Variants in WDR6 observed in about 807,000 individuals in gnomAD.
WDR6 encodes tRNA (34-2'-O)-methyltransferase regulator WDR6.
In WDR6, 58 loss-of-function variants were observed where a neutral mutation model predicts 85.6. The ratio of observed to expected loss-of-function variants is 0.68; its 90% CI spans 0.55 to 0.84. The LOEUF is 0.84. Ranked by LOEUF, WDR6 falls within the 40% of genes least tolerant of loss-of-function variation. The probability of loss-of-function intolerance (pLI) is 0.00; values close to 1 mark genes in which losing one functional copy is unlikely to be tolerated. For missense variants in WDR6, 1,310 were observed against 1,476.4 expected (o/e 0.89, Z 1.85); for synonymous variants, 569 against 582.2 (o/e 0.98, Z 0.33).
Position 49,014,656 on chromosome 3 carries a change from C to T in WDR6, c.2840C>T (p.Thr947Ile). 1 of 1,613,662 alleles carries T rather than the reference C, an allele frequency of 6.2e-7. No homozygotes were observed. Among genetic ancestry groups the T allele is most frequent in the Non-Finnish European group, 8.5e-7 (1 of 1,180,006 alleles). Residue 947 changes from threonine (T) to isoleucine (I), a missense_variant, in exon 5 of 6, where the codon ACC becomes ATC. Thr to Ile is a moderately conservative substitution (Grantham distance 89). Coordinates refer to ENST00000608424, the MANE Select transcript of WDR6 (RefSeq NM_018031.6). This position sits in a 1 kb window ranked among gnomAD's most constrained non-coding sequence, Gnocchi z 4.9. Reference protein sequence around the residue: ...TDGSLAFWDLTTMLDHDSTVL... With the variant: ...TDGSLAFWDLITMLDHDSTVL... Reference sequence around the variant, plus strand: ...GGCAGCCTGGCTTTCTGGGATCTCACCACCATGCTAGACCATGACTCCACT... The same window carrying T: ...GGCAGCCTGGCTTTCTGGGATCTCATCACCATGCTAGACCATGACTCCACT...
chr3:49,012,145 G>A lies in WDR6; in HGVS notation c.611G>A (p.Arg204Gln), dbSNP rs776011592. 33 of 1,614,038 alleles carry A rather than the reference G, an allele frequency of 2.0e-5. No individual in the cohort carries two copies. The highest frequency in any genetic ancestry group is 2.5e-5 in the Non-Finnish European group (30 of 1,180,052). ...AACAAACCTGTAGCACCTGACCGAC[G>A]AATCAGTGGGCATGTGGGCATCATC... ...ADNKPVAPDRRISGHVGIIFS... is the reference protein window; with the variant it reads ...ADNKPVAPDRQISGHVGIIFS... Residue 204 changes from arginine to glutamine, a missense_variant, in exon 2 of 6, where the codon CGA becomes CAA. Transcript: ENST00000608424. The surrounding 1 kb of genome is among the most constrained non-coding windows in gnomAD (Gnocchi z 4.4).
rs2093045989 is a variant in WDR6 at position 49,015,128 on chromosome 3, C to T, written c.3206C>T (p.Thr1069Ile). 2 of 1,613,894 alleles carry T rather than the reference C, an allele frequency of 1.2e-6. No homozygotes were observed. Among genetic ancestry groups the T allele is most frequent in the African/African-American group, 1.3e-5 (1 of 74,926 alleles). Reference protein sequence around the residue: ...MVSASIDQRLTFWRLGHGEPT... With the variant: ...MVSASIDQRLIFWRLGHGEPT... ...TCAGCCTCCATTGATCAACGGCTGA[C>T]CTTCTGGCGTCTGGGGCATGGTGAA... Residue 1069 changes from threonine (T) to isoleucine (I), a missense_variant, in exon 6 of 6, where the codon ACC (threonine) becomes ATC (isoleucine). Physicochemically the swap from Thr to Ile is moderately conservative, Grantham distance 89. Transcript: ENST00000608424.
Position 49,013,573 on chromosome 3 carries a change from TGCTGTACAGG to T in WDR6, c.2043_2052del (p.Tyr682TrpfsTer9). Reference sequence around the variant, plus strand: ...GCTTACCTCAAGGATGGGGATGTCATGCTGTACAGGGCTCTGGGTGGCTGCACCCGGCCAC... The same window carrying T: ...GCTTACCTCAAGGATGGGGATGTCATGCTCTGGGTGGCTGCACCCGGCCAC... On this transcript the variant is annotated frameshift_variant, in exon 2 of 6. Transcript: ENST00000608424. LOFTEE classifies it high-confidence loss of function. The surrounding 1 kb of genome is among the most constrained non-coding windows in gnomAD (Gnocchi z 4.6). 6.2e-7 allele frequency: 1 copy of T among 1,614,060 alleles called. No individual in the cohort carries two copies. The highest frequency in any genetic ancestry group is 8.5e-7 in the Non-Finnish European group (1 of 1,180,006).
At position 49,014,045 on chromosome 3, in the gene WDR6, C is replaced by G. The variant is rs1451165798; in HGVS notation, c.2511C>G (p.Ser837=). 6.2e-7 allele frequency: 1 copy of G among 1,612,802 alleles called. No homozygotes were observed. The highest frequency in any genetic ancestry group is 1.7e-5 in the Admixed American group (1 of 60,022). The change falls in exon 2 of 6, where the codon TCC becomes TCG. Residue 837 remains serine, a synonymous_variant. Coordinates refer to ENST00000608424, the MANE Select transcript of WDR6 (RefSeq NM_018031.6). The surrounding 1 kb of genome is among the most constrained non-coding windows in gnomAD (Gnocchi z 4.9). ...RLACHVMHLS[S]HRLDEYWDRQ... is the part of the protein sequence containing the mutation. ...CCTGCCATGTCATGCACCTTTCGTC[C>G]CACCGGCTAGATGAGTATTGGGACC...
At chr3:49,011,580 G>C (rs758667545) in intron 1 of WDR6, 55 bp from the exon 2 acceptor site, 1 of 1,611,862 alleles carries the variant, frequency 6.2e-7, no homozygotes, top group East Asian at 2.2e-5. Flanking sequence ...TCTCTTCCCT[G>C]TGGGTCATCA....
At chr3:49,009,732 CTTTT>C (rs1174476985) in intron 1 of WDR6, among the ~76,000 whole-genome samples, 1 of 144,808 alleles carries the variant, frequency 6.9e-6, no homozygotes. Flanking sequence ...TTTTATTTTA[CTTTT>C]TTTTTTTTTG....
In WDR6 at chr3:49,014,476, A is replaced by C; in HGVS notation, c.2760A>C (p.Thr920=). The C allele has an allele frequency of 6.2e-7, 1 of 1,614,108 alleles. No individual in the cohort carries two copies. The highest frequency in any genetic ancestry group is 1.1e-5 in the South Asian group (1 of 91,080). ...GTGTCCTCAAGGTCCACTCCTTTACACACGAGGCACCCAACCAGAGGCGGT... is the reference window on the plus strand; with the variant it reads ...GTGTCCTCAAGGTCCACTCCTTTACCCACGAGGCACCCAACCAGAGGCGGT... ...KRCVLKVHSF[T]HEAPNQRRRL... Residue 920 remains threonine, a synonymous_variant, in exon 4 of 6, where the codon ACA becomes ACC. Transcript: ENST00000608424. This position sits in a 1 kb window ranked among gnomAD's most constrained non-coding sequence, Gnocchi z 4.9.
rs2093019216 is a variant in WDR6, at chr3:49,012,108, G to A, written c.574G>A (p.Ala192Thr). 6.2e-7 allele frequency: 1 copy of A among 1,613,928 alleles called. No individual in the cohort carries two copies. Among genetic ancestry groups the A allele is most frequent in the Admixed American group, 1.7e-5 (1 of 60,010 alleles). The change falls in exon 2 of 6, where the codon GCC (alanine) becomes ACC (threonine). Residue 192 changes from alanine (A) to threonine (T), a missense_variant. Ala to Thr is a moderately conservative substitution (Grantham distance 58). Coordinates refer to ENST00000608424, the MANE Select transcript of WDR6 (RefSeq NM_018031.6). The surrounding 1 kb of genome is among the most constrained non-coding windows in gnomAD (Gnocchi z 4.4). ...NQLLVWYPATALADNKPVAPD... is the reference protein window; with the variant it reads ...NQLLVWYPATTLADNKPVAPD... Reference sequence around the variant, plus strand: ...GCTCTTGGTCTGGTACCCAGCAACTGCCTTAGCAGACAACAAACCTGTAGC... The same window carrying A: ...GCTCTTGGTCTGGTACCCAGCAACTACCTTAGCAGACAACAAACCTGTAGC...
Position 49,013,176 on chromosome 3 carries a change from A to C in WDR6, c.1642A>C (p.Ser548Arg). 1 of 1,611,882 alleles carries C rather than the reference A, an allele frequency of 6.2e-7. No individual in the cohort carries two copies. Among genetic ancestry groups the C allele is most frequent in the Non-Finnish European group, 8.5e-7 (1 of 1,178,804 alleles). Residue 548 changes from serine to arginine, a missense_variant, in exon 2 of 6, where the codon AGT (serine) becomes CGT (arginine). Coordinates refer to ENST00000608424, the MANE Select transcript of WDR6 (RefSeq NM_018031.6). The surrounding 1 kb of genome is among the most constrained non-coding windows in gnomAD (Gnocchi z 4.6). ...GGCACCTGTAGTGGGTAGTGGTAGT[A>C]GTGGGGGTGGGAATGCTTTCACTGG... ...AGAPVVGSGS[S>R]GGGNAFTGLG...
At position 49,014,083 on chromosome 3, in the gene WDR6, G is replaced by A. The variant is rs137978496; in HGVS notation, c.2549G>A (p.Arg850Gln). The A allele has an allele frequency of 9.3e-6, 15 of 1,613,314 alleles. No homozygotes were observed. The highest frequency in any genetic ancestry group is 5.5e-5 in the South Asian group (5 of 91,080). Residue 850 changes from arginine (R) to glutamine (Q), a missense_variant, in exon 2 of 6, where the codon CGG becomes CAG. Arg to Gln is a conservative substitution (Grantham distance 43, BLOSUM62 1). Transcript: ENST00000608424. This position sits in a 1 kb window ranked among gnomAD's most constrained non-coding sequence, Gnocchi z 4.9. ...GAGTATTGGGACCGGCAACGCAATC[G>A]GCATCGGATGGTTAAGGTAGACCCA... ...LDEYWDRQRN[R>Q]HRMVKVDPET...
At position 49,012,912 on chromosome 3, in the gene WDR6, G is replaced by T. The variant is rs61746960; in HGVS notation, c.1378G>T (p.Gly460Trp). The change falls in exon 2 of 6, where the codon GGG (glycine) becomes TGG (tryptophan). Residue 460 changes from glycine (G) to tryptophan (W), a missense_variant. Transcript: ENST00000608424. The surrounding 1 kb of genome is among the most constrained non-coding windows in gnomAD (Gnocchi z 4.4). ...CCTGTTGCTGGCATCGGGCCCTGGC[G>T]GGGTAGTAGCTTGCCTAGAGATCTC... The part of the protein sequence containing the change: ...ELLLLASGPG[G>W]VVACLEISAA... 4.3e-6 allele frequency: 7 copies of T among 1,613,696 alleles called. No homozygotes were observed. The highest frequency in any genetic ancestry group is 5.1e-6 in the Non-Finnish European group (6 of 1,179,968).
Position 49,013,821 on chromosome 3 carries a change from T to G in WDR6, c.2287T>G (p.Ser763Ala). 6.2e-7 allele frequency: 1 copy of G among 1,614,092 alleles called. No individual in the cohort carries two copies. Among genetic ancestry groups the G allele is most frequent in the South Asian group, 1.1e-5 (1 of 91,084 alleles). The change falls in exon 2 of 6, where the codon TCA (serine) becomes GCA (alanine). Residue 763 changes from serine to alanine, a missense_variant. By Grantham distance (99) the Ser-to-Ala change is moderately conservative (BLOSUM62 1). Coordinates refer to ENST00000608424, the MANE Select transcript of WDR6 (RefSeq NM_018031.6). The surrounding 1 kb of genome is among the most constrained non-coding windows in gnomAD (Gnocchi z 4.6). ...CVLALPTTTGSAHALTAVCNH... is the reference protein window; with the variant it reads ...CVLALPTTTGAAHALTAVCNH... ...CCTAGCACTCCCTACAACCACAGGC[T>G]CAGCCCACGCACTCACAGCTGTTTG...
rs753968129 is a variant in WDR6 at position 49,013,631 on chromosome 3, G to A, written c.2097G>A (p.Leu699=). ...TRPHVILREG[L]HGREITCVKR... The stretch of plus-strand genomic sequence containing the variant: ...CACACGTGATTCTCCGGGAGGGTCT[G>A]CATGGCCGTGAGATCACTTGTGTAA... Residue 699 remains leucine, a synonymous_variant, in exon 2 of 6, where the codon CTG becomes CTA. Transcript: ENST00000608424. The surrounding 1 kb of genome is among the most constrained non-coding windows in gnomAD (Gnocchi z 4.6). 3.1e-6 allele frequency: 5 copies of A among 1,614,026 alleles called. No homozygotes were observed. The East Asian group carries it at 6.7e-5, about 22-fold the overall frequency.
Position 49,013,502 on chromosome 3 carries a change from G to A in WDR6, c.1968G>A (p.Gly656=), listed in dbSNP as rs781733133. The A allele has an allele frequency of 6.2e-7, 1 of 1,614,056 alleles. No individual in the cohort carries two copies. The highest frequency in any genetic ancestry group is 1.1e-5 in the South Asian group (1 of 91,082). The change falls in exon 2 of 6, where the codon GGG becomes GGA. Residue 656 remains glycine, a synonymous_variant. Transcript: ENST00000608424. This position sits in a 1 kb window ranked among gnomAD's most constrained non-coding sequence, Gnocchi z 4.6. ...EKLHIVNCGG[G]HRSWAFSDTE... The stretch of plus-strand genomic sequence containing the variant: ...TGCACATCGTCAACTGTGGTGGAGG[G>A]CACCGTTCGTGGGCATTCTCTGATA...
rs757195292 is a variant in WDR6, at chr3:49,012,940, C to T, written c.1406C>T (p.Ala469Val). The T allele has an allele frequency of 3.0e-5, 48 of 1,613,796 alleles. 1 individual carries two copies. The South Asian group carries it at 4.6e-4, about 16-fold the overall frequency. ...GGVVACLEIS[A>V]APSGKAIFVK... ...GTAGTAGCTTGCCTAGAGATCTCAG[C>T]CGCACCCTCTGGCAAGGCCATCTTT... The change falls in exon 2 of 6, where the codon GCC (alanine) becomes GTC (valine). Residue 469 changes from alanine to valine, a missense_variant. By Grantham distance (64) the Ala-to-Val change is moderately conservative. Transcript: ENST00000608424. The surrounding 1 kb of genome is among the most constrained non-coding windows in gnomAD (Gnocchi z 4.4).
chr3:49,011,421 A>T, intron 1 of WDR6: 8 of 1,385,630 alleles, frequency 5.8e-6, no homozygotes, highest in South Asian at 1.3e-5. Flanking sequence ...TTTGAGACAG[A>T]GTCTGGCTTT....
chr3:49,012,969 A>G lies in WDR6; in HGVS notation c.1435A>G (p.Lys479Glu). 1 of 1,613,842 alleles carries G rather than the reference A, an allele frequency of 6.2e-7. No homozygotes were observed. The highest frequency in any genetic ancestry group is 8.5e-7 in the Non-Finnish European group (1 of 1,179,966). The change falls in exon 2 of 6, where the codon AAG (lysine) becomes GAG (glutamate). Residue 479 changes from lysine (K) to glutamate (E), a missense_variant. Lys to Glu is a moderately conservative substitution (Grantham distance 56). Coordinates refer to ENST00000608424, the MANE Select transcript of WDR6 (RefSeq NM_018031.6). This position sits in a 1 kb window ranked among gnomAD's most constrained non-coding sequence, Gnocchi z 4.4. ...ACCCTCTGGCAAGGCCATCTTTGTC[A>G]AGGAACGTTGTCGGTACCTGCTGCC... ...AAPSGKAIFV[K>E]ERCRYLLPPS...
In WDR6 at chr3:49,014,550, G is replaced by C; in HGVS notation, c.2784-50G>C. 6.2e-7 allele frequency: 1 copy of C among 1,613,642 alleles called. No homozygotes were observed. Among genetic ancestry groups the C allele is most frequent in the African/African-American group, 1.3e-5 (1 of 75,034 alleles). On this transcript the variant is annotated intron_variant, in intron 4 of 5. Transcript: ENST00000608424. This position sits in a 1 kb window ranked among gnomAD's most constrained non-coding sequence, Gnocchi z 4.9. ...GCATGGGCTGGGTTGGGGGGTTCCT[G>C]TTGAGCTTCATCTCTGTTATTGACC...
intron 1 of WDR6, among the ~76,000 whole-genome samples, chr3:49,010,062 T>C (rs1190656522): frequency 6.9e-6 from 1 of 145,120 alleles, no homozygotes; most frequent in Non-Finnish European, 1.5e-5. Context: ...AAAAGTGAGG[T>C]GAGGAGGAGG....
Sources: gnomAD v4.1 joint callset for allele counts (sites outside exome capture counted in the v4.1 genomes callset) on GRCh38, gnomAD v4.1.1 for gene constraint, Gnocchi (gnomAD v3.1) non-coding constraint, MANE v1.5 for transcripts, NCBI Gene and HGNC (gene_info 2026-07-23, HGNC 2026-07-21) for gene names.